The following ADCK2 variants were observed in gnomAD, a reference collection of about 807,000 sequenced individuals.
ADCK2 encodes the protein aarF domain containing kinase 2, also known as uncharacterized aarF domain-containing protein kinase 2.
In ADCK2, 37 loss-of-function variants were observed where a neutral mutation model predicts 52.3. That is an observed-to-expected ratio of 0.71 (90% confidence interval 0.54 to 0.93). The LOEUF is 0.93. Among genes scored for constraint, ADCK2 ranks in the 40% least tolerant of loss-of-function variants. ADCK2 has a pLI of 0.00. For synonymous variants in ADCK2, 321 were observed against 349.2 expected, an observed-to-expected ratio of 0.92 and a Z score of 0.90; for missense variants, 695 against 798.7, an observed-to-expected ratio of 0.87 and a Z score of 1.56.
intron 2 of ADCK2, among the ~76,000 whole-genome samples, chr7:140,675,150 T>A (rs1423438211): frequency 6.6e-6 from 1 of 152,164 alleles, no homozygotes; most frequent in East Asian, 1.9e-4. Flanking sequence ...AGCTGAGGCA[T>A]GAGAATTGCT....
At chr7:140,694,539 A>G (rs1251472141) in intron 7 of ADCK2, 124 bp from the exon 8 acceptor site, 23 of 882,030 alleles carry the variant, frequency 2.6e-5, no homozygotes, top group Admixed American at 1.9e-4. Flanking sequence ...AATGTCAGGT[A>G]GATGGTAAAC....
rs772253412 is a variant in ADCK2 at position 140,690,895 on chromosome 7, C to T, written c.1740+82C>T. The T allele has an allele frequency of 2.1e-5, 26 of 1,257,480 alleles. No homozygotes were observed. The Middle Eastern group carries it at 6.4e-4, about 31-fold the overall frequency. 77.9% of individuals were successfully genotyped at this position (1,257,480 alleles called of 1,614,324 possible). On this transcript the variant is annotated intron_variant, in intron 7 of 7. Coordinates refer to ENST00000072869, the MANE Select transcript of ADCK2 (RefSeq NM_052853.4). ...TGGGAGGACACAGGGTGGTGGGAGG[C>T]GCTTCTATTATATGGTTCTTGTTTT... is the stretch of plus-strand genomic sequence containing the variant.
intron 5 of ADCK2, among the ~76,000 whole-genome samples, 187 bp from the exon 6 acceptor site, chr7:140,689,410 C>T (rs563704921): frequency 6.6e-6 from 1 of 151,990 alleles, no homozygotes; most frequent in East Asian, 1.9e-4. Flanking sequence ...CGCAGTGCAG[C>T]GGGGGTGGGG....
At chr7:140,685,052 G>A (rs1316970793) in intron 4 of ADCK2, among the ~76,000 whole-genome samples, 1 of 151,888 alleles carries the variant, frequency 6.6e-6, no homozygotes, top group African/African-American at 2.4e-5. Flanking sequence ...GCAGAGCTGA[G>A]GGCAAGGTTC....
rs890671573 is a variant in ADCK2, at chr7:140,674,478, G to C, written c.934-133G>C. 8.3e-6 allele frequency: 10 copies of C among 1,207,680 alleles called. No homozygotes were observed. The African/African-American group carries it at 1.1e-4, about 13-fold the overall frequency. The allele number at this position is 1,207,680 out of a possible 1,614,324, so 74.8% of individuals were successfully genotyped here. A position where few individuals can be genotyped will look rare whatever the true frequency, so the allele number is the denominator to read the frequency against. On this transcript the variant is annotated intron_variant, in intron 1 of 7. Coordinates refer to ENST00000072869, the MANE Select transcript of ADCK2 (RefSeq NM_052853.4). The surrounding 1 kb of genome is among the most constrained non-coding windows in gnomAD (Gnocchi z 4.6). ...TGAGTCTGGAGTGAACTAACTGCTTGGGTGTCGGGACCACATCCTCTTTTC... is the reference window on the plus strand; with the variant it reads ...TGAGTCTGGAGTGAACTAACTGCTTCGGTGTCGGGACCACATCCTCTTTTC...
chr7:140,690,347 C>T (rs931067341), intron 6 of ADCK2, among the ~76,000 whole-genome samples: 9 of 152,126 alleles, frequency 5.9e-5, no homozygotes, highest in African/African-American at 9.7e-5. Context: ...GGATTACAGG[C>T]ACCCGCCACC....
chr7:140,689,598 G>A lies in ADCK2; in HGVS notation c.1559G>A (p.Gly520Asp), dbSNP rs199613316. Residue 520 changes from glycine (G) to aspartate (D), a missense_variant and splice_region_variant, in exon 6 of 8, where the codon GGC becomes GAC. Gly to Asp is a moderately conservative substitution (Grantham distance 94). Coordinates refer to ENST00000072869, the MANE Select transcript of ADCK2 (RefSeq NM_052853.4). Reference protein sequence around the residue: ...AVFMAVVMGQGQRVAELILHH... With the variant: ...AVFMAVVMGQDQRVAELILHH... The stretch of plus-strand genomic sequence containing the variant: ...TCCCTTTTCCGTTGCATTTTCCAGG[G>A]CCAGAGAGTGGCTGAGCTGATCCTG... The A allele has an allele frequency of 8.5e-5, 136 of 1,597,902 alleles. No individual in the cohort carries two copies. The highest frequency in any genetic ancestry group is 1.1e-4 in the Non-Finnish European group (130 of 1,170,000).
At position 140,673,864 on chromosome 7, in the gene ADCK2, G is replaced by A. The variant is rs1226948106; in HGVS notation, c.534G>A (p.Pro178=). ...TGCATGTCCGAGTGACGCCCCACCC[G>A]TGGACTCACACTGAGCGCTTCCTTC... The part of the protein sequence containing the change: ...SKLHVRVTPH[P]WTHTERFLRQ... Residue 178 remains proline (P), a synonymous_variant, in exon 1 of 8, where the codon CCG becomes CCA. Coordinates refer to ENST00000072869, the MANE Select transcript of ADCK2 (RefSeq NM_052853.4). The surrounding 1 kb of genome is among the most constrained non-coding windows in gnomAD (Gnocchi z 6.4). 3 of 1,614,050 alleles carry A rather than the reference G, an allele frequency of 1.9e-6. No homozygotes were observed. Among genetic ancestry groups the A allele is most frequent in the Admixed American group, 1.7e-5 (1 of 60,028 alleles).
rs1383657229 is a variant in ADCK2, at chr7:140,673,631, C to A, written c.301C>A (p.Leu101Ile). Reference protein sequence around the residue: ...GGVFLHLRLWLRAGALLVKFF... With the variant: ...GGVFLHLRLWIRAGALLVKFF... ...CGTCTTCCTGCATCTCCGCCTCTGGCTTCGCGCCGGCGCTCTGTTGGTGAA... is the reference window on the plus strand; with the variant it reads ...CGTCTTCCTGCATCTCCGCCTCTGGATTCGCGCCGGCGCTCTGTTGGTGAA... The change falls in exon 1 of 8, where the codon CTT becomes ATT. Residue 101 changes from leucine to isoleucine, a missense_variant. Leu to Ile is a conservative substitution (Grantham distance 5). Coordinates refer to ENST00000072869, the MANE Select transcript of ADCK2 (RefSeq NM_052853.4). This position sits in a 1 kb window ranked among gnomAD's most constrained non-coding sequence, Gnocchi z 6.4. 1 of 1,609,998 alleles carries A rather than the reference C, an allele frequency of 6.2e-7. No individual in the cohort carries two copies. Among genetic ancestry groups the A allele is most frequent in the East Asian group, 2.2e-5 (1 of 44,828 alleles).
Position 140,687,093 on chromosome 7 carries a change from C to T in ADCK2, c.1409C>T (p.Ala470Val), listed in dbSNP as rs1037544323. ...AGTCAGGAGGCGCAGCTGCAGCAGG[C>T]GGACATCTGTGACACTCTGGTGGTG... ...SSSQEAQLQQ[A>V]DICDTLVVAV... Residue 470 changes from alanine to valine, a missense_variant, in exon 5 of 8, where the codon GCG becomes GTG. Physicochemically the swap from Ala to Val is moderately conservative, Grantham distance 64. Coordinates refer to ENST00000072869, the MANE Select transcript of ADCK2 (RefSeq NM_052853.4). The T allele has an allele frequency of 1.8e-5, 29 of 1,613,892 alleles. No individual in the cohort carries two copies. Among genetic ancestry groups the T allele is most frequent in the South Asian group, 5.5e-5 (5 of 91,068 alleles).
Position 140,690,833 on chromosome 7 carries a change from G to T in ADCK2, c.1740+20G>T. 6.2e-7 allele frequency: 1 copy of T among 1,612,368 alleles called. No homozygotes were observed. Among genetic ancestry groups the T allele is most frequent in the Non-Finnish European group, 8.5e-7 (1 of 1,178,662 alleles). On this transcript the variant is annotated intron_variant, in intron 7 of 7. Coordinates refer to ENST00000072869, the MANE Select transcript of ADCK2 (RefSeq NM_052853.4). ...CACAAGGTGAGGGCCATTCAGAGGG[G>T]AGGTCTCTGGGGAAGGTGGGACGGG... is the stretch of plus-strand genomic sequence containing the variant.
chr7:140,673,247 C>G lies in ADCK2; in HGVS notation c.-84C>G. 8.1e-7 allele frequency: 1 copy of G among 1,234,260 alleles called. No individual in the cohort carries two copies. Among genetic ancestry groups the G allele is most frequent in the African/African-American group, 1.6e-5 (1 of 62,318 alleles). 76.5% of individuals were successfully genotyped at this position (1,234,260 alleles called of 1,614,324 possible). On this transcript the variant is annotated 5_prime_UTR_variant, in exon 1 of 8. Coordinates refer to ENST00000072869, the MANE Select transcript of ADCK2 (RefSeq NM_052853.4). This position sits in a 1 kb window ranked among gnomAD's most constrained non-coding sequence, Gnocchi z 6.4. Reference sequence around the variant, plus strand: ...GCAGCTCCGTCCGCGGGGTCAGGGCCGGGCTTCGGCTTCACCGCAGCCTCG... The same window carrying G: ...GCAGCTCCGTCCGCGGGGTCAGGGCGGGGCTTCGGCTTCACCGCAGCCTCG...
chr7:140,685,635 T>C (rs1794592465), intron 4 of ADCK2, among the ~76,000 whole-genome samples: 1 of 152,104 alleles, frequency 6.6e-6, no homozygotes, highest in African/African-American at 2.4e-5. Flanking sequence ...AGCCACAGTC[T>C]GGACTAGGAC....
In ADCK2 at chr7:140,693,164, T is replaced by C. The variant is rs945707175; in HGVS notation, c.1741-1499T>C. Among the ~76,000 whole-genome samples the C allele has an allele frequency of 6.6e-6, 1 of 152,234 alleles. No individual in the cohort carries two copies. Among genetic ancestry groups the C allele is most frequent in the African/African-American group, 2.4e-5 (1 of 41,458 alleles). ...ATATCTATTCAGGTAGCACTTAATT[T>C]TTTTAAATAAAGTATTTGACAGTAA... is the stretch of plus-strand genomic sequence containing the variant. On this transcript the variant is annotated intron_variant, in intron 7 of 7. Transcript: ENST00000072869. This position sits in a 1 kb window ranked among gnomAD's most constrained non-coding sequence, Gnocchi z 4.0.
At chr7:140,690,656 G>A in intron 6 of ADCK2, 104 bp from the exon 7 acceptor site, 1 of 1,013,850 alleles carries the variant, frequency 9.9e-7, no homozygotes, top group Non-Finnish European at 1.5e-6. Context: ...TGCCCTGGCG[G>A]GGGAGTGGGG....
chr7:140,679,899 C>T (rs1794487271), intron 3 of ADCK2, among the ~76,000 whole-genome samples: 1 of 151,884 alleles, frequency 6.6e-6, no homozygotes, highest in Admixed American at 6.6e-5. Context: ...GTCTGGAACT[C>T]CTGACCTCAA....
chr7:140,680,926 C>T (rs1585846410), intron 3 of ADCK2, 116 bp from the exon 4 acceptor site: 2 of 857,886 alleles, frequency 2.3e-6, no homozygotes, highest in East Asian at 2.5e-5. Context: ...AAAGGAAATA[C>T]TCTTTGGGTT....
At chr7:140,691,901 C>A (rs896774140) in intron 7 of ADCK2, among the ~76,000 whole-genome samples, 17 of 152,210 alleles carry the variant, frequency 1.1e-4, no homozygotes, top group African/African-American at 3.9e-4. Flanking sequence ...AGCATCTGCT[C>A]CCCACACAGT....
chr7:140,689,637 C>A lies in ADCK2; in HGVS notation c.1598C>A (p.Ala533Asp), dbSNP rs1184631038. Residue 533 changes from alanine (A) to aspartate (D), a missense_variant, in exon 6 of 8, where the codon GCC becomes GAC. Transcript: ENST00000072869. ...GAGCTGATCCTGCATCATGCCCGGG[C>A]CAGCGAGTGCAGGGACGTGGAGGGG... is the stretch of plus-strand genomic sequence containing the variant. ...VAELILHHAR[A>D]SECRDVEGFK... 1 of 1,612,460 alleles carries A rather than the reference C, an allele frequency of 6.2e-7. No individual in the cohort carries two copies. The highest frequency in any genetic ancestry group is 2.2e-5 in the East Asian group (1 of 44,746).
Sources: allele counts gnomAD v4.1 joint callset (sites outside exome capture counted in the v4.1 genomes callset), GRCh38; gene constraint gnomAD v4.1.1; non-coding constraint Gnocchi (gnomAD v3.1); transcripts MANE v1.5; gene names NCBI Gene and HGNC (gene_info 2026-07-23, HGNC 2026-07-21).